The following DPP6 variants were observed in gnomAD, a reference collection of about 807,000 sequenced individuals.
The protein encoded by DPP6 is dipeptidyl peptidase like 6, also known as A-type potassium channel modulatory protein DPP6.
In DPP6, 69 loss-of-function variants were observed where a neutral mutation model predicts 122.6. The ratio of observed to expected loss-of-function variants is 0.56; its 90% CI spans 0.46 to 0.69. The LOEUF (loss-of-function observed/expected upper bound fraction) is 0.69. Ranked by LOEUF, DPP6 falls within the 30% of genes least tolerant of loss-of-function variation. The pLI is 0.00. For synonymous variants in DPP6, 418 were observed against 433.1 expected (o/e 0.97, Z 0.43); for missense variants, 928 against 1,116.9 (o/e 0.83, Z 2.41).
intron 8 of DPP6, among the ~76,000 whole-genome samples, chr7:154,768,929 G>A (rs953753983): frequency 6.6e-6 from 1 of 152,206 alleles, no homozygotes; most frequent in Non-Finnish European, 1.5e-5. Flanking sequence ...CTCTGTGTGT[G>A]CGTAAATCCC....
Position 154,769,901 on chromosome 7 carries a change from G to T in DPP6, c.1038+330G>T, listed in dbSNP as rs551273815. Among the ~76,000 whole-genome samples, 5 of 152,252 alleles carry T rather than the reference G, an allele frequency of 3.3e-5. 1 individual carries two copies. The highest frequency in any genetic ancestry group is 9.6e-5 in the African/African-American group (4 of 41,542). ...CTCACGCATCTTATTTCTACTTTGAGTTTGGCCTCTGGGAAGGCAGAAAGA... is the reference window on the plus strand; with the variant it reads ...CTCACGCATCTTATTTCTACTTTGATTTTGGCCTCTGGGAAGGCAGAAAGA... On this transcript the variant is annotated intron_variant, in intron 9 of 25. Coordinates refer to ENST00000377770, the MANE Select transcript of DPP6 (RefSeq NM_130797.4).
the DPP6 span, among the ~76,000 whole-genome samples, chr7:153,775,426 G>C: frequency 6.6e-6 from 1 of 151,040 alleles, no homozygotes; most frequent in Non-Finnish European, 1.5e-5. Flanking sequence ...CTATAAACAA[G>C]TTACAGCTAA....
At chr7:154,166,074 A>G (rs1296884910) in intron 1 of DPP6, among the ~76,000 whole-genome samples, 1 of 152,154 alleles carries the variant, frequency 6.6e-6, no homozygotes, top group East Asian at 1.9e-4. Flanking sequence ...TATATTCTTC[A>G]ATAGTTTAAA....
At chr7:153,972,962 TTAA>T (rs1796096819) in intron 1 of DPP6, among the ~76,000 whole-genome samples, 1 of 152,004 alleles carries the variant, frequency 6.6e-6, no homozygotes, top group African/African-American at 2.4e-5. Context: ...GTTTTATGTC[TTAA>T]TAATTTAATT....
chr7:154,812,084 A>T (rs912657605), intron 16 of DPP6, among the ~76,000 whole-genome samples: 1 of 152,230 alleles, frequency 6.6e-6, no homozygotes, highest in African/African-American at 2.4e-5. Context: ...TTGTCTGGGC[A>T]TAGGAAGGGA....
intron 5 of DPP6, among the ~76,000 whole-genome samples, chr7:154,572,504 T>TC (rs1831175757): frequency 7.1e-6 from 1 of 140,366 alleles, no homozygotes; most frequent in Non-Finnish European, 1.5e-5. Flanking sequence ...TCTTTTTTTT[T>TC]CTTTTCTTTT....
chr7:154,650,500 G>A (rs1396383770), intron 6 of DPP6, among the ~76,000 whole-genome samples: 1 of 152,144 alleles, frequency 6.6e-6, no homozygotes, highest in Non-Finnish European at 1.5e-5. Context: ...TCCGACATTG[G>A]GGTCCTGTAA....
chr7:154,411,990 T>G (rs1467281639), intron 1 of DPP6, among the ~76,000 whole-genome samples: 1 of 152,080 alleles, frequency 6.6e-6, no homozygotes, highest in Non-Finnish European at 1.5e-5. Flanking sequence ...TTCTCACCAT[T>G]CTGGAGACCG....
At chr7:154,037,093 C>T (rs1256756527) in intron 1 of DPP6, among the ~76,000 whole-genome samples, 1 of 152,140 alleles carries the variant, frequency 6.6e-6, no homozygotes, top group Non-Finnish European at 1.5e-5. Context: ...CTGATCCAGA[C>T]ATTTGAAAAT....
At chr7:154,551,150 A>T (rs1159449120) in intron 4 of DPP6, among the ~76,000 whole-genome samples, 2 of 152,226 alleles carry the variant, frequency 1.3e-5, no homozygotes, top group Non-Finnish European at 1.5e-5. Context: ...TAAGTTTCAA[A>T]TGAGTTCAAT....
intron 1 of DPP6, among the ~76,000 whole-genome samples, chr7:154,158,259 C>G (rs1278024459): frequency 6.6e-6 from 1 of 151,220 alleles, no homozygotes; most frequent in African/African-American, 2.4e-5. Context: ...ATCTCAATAA[C>G]TACCCAACCC....
chr7:154,127,933 C>G (rs6953427), intron 1 of DPP6, among the ~76,000 whole-genome samples: 1 of 148,534 alleles, frequency 6.7e-6, no homozygotes, highest in Non-Finnish European at 1.5e-5. Context: ...AAGCTGAAAT[C>G]TTTGTTCCTA....
chr7:154,280,983 T>TTTTATGTA (rs1554507885), intron 1 of DPP6, among the ~76,000 whole-genome samples: 1 of 142,992 alleles, frequency 7.0e-6, no homozygotes. Context: ...TTATTTCTTA[T>TTTTATGTA]TTTATTTATT....
At chr7:154,480,088 C>T (rs899746573) in intron 3 of DPP6, among the ~76,000 whole-genome samples, 6 of 150,398 alleles carry the variant, frequency 4.0e-5, no homozygotes, top group African/African-American at 1.2e-4. Context: ...CAGATGCACT[C>T]GCTTCACTTA....
rs1218865834 is a variant in DPP6, at chr7:154,386,757, A to G, written c.244-59457A>G. On this transcript the variant is annotated intron_variant, in intron 1 of 25. Coordinates refer to ENST00000377770, the MANE Select transcript of DPP6 (RefSeq NM_130797.4). ...TACTTAGAGAAAGCTGAGGAGAACA[A>G]AAGTAGCGTTAGCTGGAGACATATG... Among the ~76,000 whole-genome samples the G allele has an allele frequency of 3.9e-5, 6 of 152,320 alleles. No homozygotes were observed. In the South Asian group the frequency reaches 1.0e-3, roughly 26 times the overall value.
chr7:154,226,805 T>C (rs1800631410), intron 1 of DPP6, among the ~76,000 whole-genome samples: 1 of 152,196 alleles, frequency 6.6e-6, no homozygotes, highest in African/African-American at 2.4e-5. Flanking sequence ...CAGAGAAAGA[T>C]GGGGCTTACA....
At chr7:154,671,864 G>GCACACACACACGTGCA (rs1554431499) in intron 7 of DPP6, among the ~76,000 whole-genome samples, 23 of 73,460 alleles carry the variant, frequency 3.1e-4, no homozygotes, top group African/African-American at 7.3e-4. Flanking sequence ...ACACACACAT[G>GCACACACACACGTGCA]CACACACACA....
At chr7:154,677,634 C>T (rs1370969338) in intron 7 of DPP6, among the ~76,000 whole-genome samples, 1 of 152,192 alleles carries the variant, frequency 6.6e-6, no homozygotes, top group African/African-American at 2.4e-5. Context: ...CCATCGCTCA[C>T]GTGTGGGCGT....
rs555095606 is a variant in DPP6, at chr7:154,732,975, C to T, written c.883+5088C>T. Among the ~76,000 whole-genome samples the T allele has an allele frequency of 8.5e-5, 13 of 152,296 alleles. No homozygotes were observed. In the East Asian group the frequency reaches 9.7e-4, roughly 11 times the overall value. ...TTCTGCTCCACCCTGCCCAGTCCAC[C>T]GCCCTCGCCTGGACTCCATGGCACC... On this transcript the variant is annotated intron_variant, in intron 8 of 25. Transcript: ENST00000377770.
Sources: allele counts gnomAD v4.1 joint callset (sites outside exome capture counted in the v4.1 genomes callset), GRCh38; gene constraint gnomAD v4.1.1; transcripts MANE v1.5; gene names NCBI Gene and HGNC (gene_info 2026-07-23, HGNC 2026-07-21).